MYO7B: variants seen among roughly 807,000 people sequenced by gnomAD.
MYO7B encodes unconventional myosin-VIIb.
A neutral mutation model predicts 259.7 loss-of-function variants in MYO7B; 212 were observed. The observed-to-expected ratio is 0.82, with a 90% confidence interval of 0.73 to 0.91. The LOEUF (loss-of-function observed/expected upper bound fraction) is 0.91. Among genes scored for constraint, MYO7B ranks in the 40% least tolerant of loss-of-function variants. The probability of loss-of-function intolerance (pLI) is 0.00; values close to 1 mark genes in which losing one functional copy is unlikely to be tolerated. For missense variants in MYO7B, 2,732 were observed against 2,813.5 expected (o/e 0.97, Z 0.66); for synonymous variants, 1,197 against 1,166.4 (o/e 1.03, Z -0.54).
chr2:127,623,741 C>T (rs1427372307), intron 29 of MYO7B, among the ~76,000 whole-genome samples: 3 of 152,214 alleles, frequency 2.0e-5, no homozygotes, highest in Non-Finnish European at 4.4e-5. Flanking sequence ...TGGAGGGTCA[C>T]ACCAGCACAG....
chr2:127,607,213 T>C lies in MYO7B; in HGVS notation c.2432T>C (p.Val811Ala), dbSNP rs780835219. ...TCTCTCTTGCCTCCGCAGATCCTCG[T>C]GGGCTTTGAGCGCCTGCAGGCTATT... ...CNRRNFKLIL[V>A]GFERLQAIAR... Residue 811 changes from valine to alanine, a missense_variant, in exon 21 of 48, where the codon GTG becomes GCG. Transcript: ENST00000409816. The surrounding 1 kb of genome is among the most constrained non-coding windows in gnomAD (Gnocchi z 4.4). 6 of 1,548,544 alleles carry C rather than the reference T, an allele frequency of 3.9e-6. No homozygotes were observed. In the South Asian group the frequency reaches 7.1e-5, roughly 18 times the overall value.
intron 19 of MYO7B, among the ~76,000 whole-genome samples, chr2:127,599,279 T>C (rs985962691): frequency 3.3e-5 from 5 of 152,348 alleles, no homozygotes; most frequent in East Asian, 1.9e-4. Context: ...ACATGTTTTA[T>C]TAGATTTACA....
intron 22 of MYO7B, 28 bp downstream of exon 22, chr2:127,608,906 GC>G: frequency 6.3e-7 from 1 of 1,596,906 alleles, no homozygotes; most frequent in Non-Finnish European, 8.5e-7. Context: ...TCCACAATCC[GC>G]CCCGGGTGGG....
In MYO7B at chr2:127,628,177, C is replaced by T. The variant is rs540325365; in HGVS notation, c.4461-195C>T. ...CATGGGCTGCACCACTCTCAGCCTC[C>T]GAGAGGTCCTGTGCTCCGCCGTCCT... is the stretch of plus-strand genomic sequence containing the variant. On this transcript the variant is annotated intron_variant, in intron 33 of 47. Coordinates refer to ENST00000409816, the MANE Select transcript of MYO7B (RefSeq NM_001393586.1). The surrounding 1 kb of genome is among the most constrained non-coding windows in gnomAD (Gnocchi z 4.8). 401 of 728,818 alleles carry T rather than the reference C, an allele frequency of 5.5e-4. No individual in the cohort carries two copies. The African/African-American group carries it at 6.3e-3, about 11-fold the overall frequency. 45.1% of individuals were successfully genotyped at this position (728,818 alleles called of 1,614,324 possible).
Position 127,585,053 on chromosome 2 carries a change from A to G in MYO7B, c.1690+140A>G. On this transcript the variant is annotated intron_variant, in intron 14 of 47. Coordinates refer to ENST00000409816, the MANE Select transcript of MYO7B (RefSeq NM_001393586.1). The surrounding 1 kb of genome is among the most constrained non-coding windows in gnomAD (Gnocchi z 4.3). ...GGATGAGTAGTATGGCTTCTACTGGAGAAAGAAAATGGAGTGGACCGGGCA... is the reference window on the plus strand; with the variant it reads ...GGATGAGTAGTATGGCTTCTACTGGGGAAAGAAAATGGAGTGGACCGGGCA... 9 of 1,153,084 alleles carry G rather than the reference A, an allele frequency of 7.8e-6. No homozygotes were observed. The South Asian group carries it at 1.4e-4, about 17-fold the overall frequency. The allele number at this position is 1,153,084 out of a possible 1,614,324, so 71.4% of individuals were successfully genotyped here. A position where few individuals can be genotyped will look rare whatever the true frequency, so the allele number is the denominator to read the frequency against.
chr2:127,594,783 T>C (rs1384990454), intron 18 of MYO7B, among the ~76,000 whole-genome samples: 1 of 152,266 alleles, frequency 6.6e-6, no homozygotes, highest in African/African-American at 2.4e-5. Flanking sequence ...GTGTATTGAT[T>C]TGCATATGTT....
At chr2:127,558,454 T>A (rs867047551) in intron 1 of MYO7B, among the ~76,000 whole-genome samples, 4 of 152,302 alleles carry the variant, frequency 2.6e-5, no homozygotes, top group Middle Eastern at 6.8e-3. Flanking sequence ...CTTAAAGAAC[T>A]AAAAGTAGAA....
Position 127,569,792 on chromosome 2 carries a change from C to T in MYO7B, c.474C>T (p.Gly158=), listed in dbSNP as rs752845687. ...NKRDQCCIIS[G]ESGAGKTETT... ...TCCCTGCACACCCTTTTTGCAGCGG[C>T]GAGTCTGGGGCTGGCAAGACGGAGA... The change falls in exon 6 of 48, where the codon GGC becomes GGT. Residue 158 remains glycine (G), a synonymous_variant. Transcript: ENST00000409816. The T allele has an allele frequency of 2.2e-5, 36 of 1,608,154 alleles. No homozygotes were observed. Among genetic ancestry groups the T allele is most frequent in the Admixed American group, 1.4e-4 (8 of 58,854 alleles).
intron 37 of MYO7B, 60 bp downstream of exon 37, chr2:127,631,423 C>T: frequency 1.3e-6 from 2 of 1,570,496 alleles, no homozygotes; most frequent in South Asian, 2.4e-5. Context: ...GCACCCAGCA[C>T]ATCCTGGCCC....
chr2:127,571,669 G>C (rs1217927672), intron 6 of MYO7B, among the ~76,000 whole-genome samples: 2 of 151,560 alleles, frequency 1.3e-5, no homozygotes, highest in South Asian at 2.1e-4. Context: ...TAGTAGAGAC[G>C]GGGTTTCTCC....
At chr2:127,567,835 C>T (rs72843345) in intron 5 of MYO7B, among the ~76,000 whole-genome samples, 14,007 of 152,098 alleles carry the variant, frequency 0.092, 867 homozygotes, top group South Asian at 0.29. Flanking sequence ...CAAATAAGTG[C>T]GTTTTTATGT....
chr2:127,564,878 C>G (rs2104866032), intron 3 of MYO7B, among the ~76,000 whole-genome samples: 1 of 152,356 alleles, frequency 6.6e-6, no homozygotes, highest in South Asian at 2.1e-4. Context: ...CTTTTACTTG[C>G]ACAGTCTTAT....
intron 1 of MYO7B, among the ~76,000 whole-genome samples, chr2:127,538,075 C>T (rs1424907266): frequency 2.0e-5 from 3 of 151,804 alleles, no homozygotes; most frequent in Non-Finnish European, 4.4e-5. Context: ...TCAGAGGAGG[C>T]GGTCCTGGGG....
chr2:127,557,268 G>T (rs1276409352), intron 1 of MYO7B, among the ~76,000 whole-genome samples: 1 of 151,854 alleles, frequency 6.6e-6, no homozygotes, highest in African/African-American at 2.4e-5. Context: ...TTTTATTTAT[G>T]CTGTCTGTTT....
intron 19 of MYO7B, among the ~76,000 whole-genome samples, chr2:127,600,243 T>G (rs972018073): frequency 6.6e-6 from 1 of 152,254 alleles, no homozygotes; most frequent in Non-Finnish European, 1.5e-5. Flanking sequence ...TCTGAGGAAC[T>G]AGTCCATGTT....
chr2:127,631,542 A>G lies in MYO7B; in HGVS notation c.5096-58A>G, dbSNP rs1573724634. The G allele has an allele frequency of 5.7e-6, 9 of 1,589,166 alleles. No homozygotes were observed. In the East Asian group the frequency reaches 9.0e-5, roughly 16 times the overall value. On this transcript the variant is annotated intron_variant, in intron 37 of 47. Transcript: ENST00000409816. ...AGGGCCGGGGTCGGGGTCAGCGTCT[A>G]TCCCCAGTCTGTGTCAGCGTGGGGC...
rs1402937949 is a variant in MYO7B at position 127,615,140 on chromosome 2, GTGC to G, written c.3398+2539_3398+2541del. ...AATTTCCTGGTCCTAAGATGGACCAGTGCTAAGATGGAGGTCTGTTCAGGGCCC... is the reference window on the plus strand; with the variant it reads ...AATTTCCTGGTCCTAAGATGGACCAGTAAGATGGAGGTCTGTTCAGGGCCC... On this transcript the variant is annotated intron_variant, in intron 26 of 47. Coordinates refer to ENST00000409816, the MANE Select transcript of MYO7B (RefSeq NM_001393586.1). The surrounding 1 kb of genome is among the most constrained non-coding windows in gnomAD (Gnocchi z 4.4). Among the ~76,000 whole-genome samples the G allele has an allele frequency of 1.3e-5, 2 of 152,126 alleles. No individual in the cohort carries two copies. Among genetic ancestry groups the G allele is most frequent in the African/African-American group, 4.8e-5 (2 of 41,442 alleles).
intron 1 of MYO7B, among the ~76,000 whole-genome samples, chr2:127,540,850 C>T (rs913949708): frequency 6.6e-6 from 1 of 152,164 alleles, no homozygotes; most frequent in African/African-American, 2.4e-5. Flanking sequence ...TGTGGAGCTA[C>T]GTCTACATGA....
In MYO7B at chr2:127,636,021, G is replaced by T; in HGVS notation, c.6006+114G>T. 2 of 1,356,798 alleles carry T rather than the reference G, an allele frequency of 1.5e-6. No individual in the cohort carries two copies. Among genetic ancestry groups the T allele is most frequent in the Non-Finnish European group, 2.0e-6 (2 of 997,582 alleles). 84.0% of individuals were successfully genotyped at this position (1,356,798 alleles called of 1,614,324 possible). The stretch of plus-strand genomic sequence containing the variant: ...TCACATGGGTGCACATGGGTGGTGT[G>T]GAGGGTGGGCTGGCTCTGCACACAC... On this transcript the variant is annotated intron_variant, in intron 44 of 47. Transcript: ENST00000409816. The surrounding 1 kb of genome is among the most constrained non-coding windows in gnomAD (Gnocchi z 4.5).
Sources: gnomAD v4.1 joint callset for allele counts (sites outside exome capture counted in the v4.1 genomes callset) on GRCh38, gnomAD v4.1.1 for gene constraint, Gnocchi (gnomAD v3.1) non-coding constraint, MANE v1.5 for transcripts, NCBI Gene and HGNC (gene_info 2026-07-23, HGNC 2026-07-21) for gene names.